Variants in DSE observed in about 807,000 individuals in gnomAD.
DSE encodes dermatan-sulfate epimerase.
Under a neutral mutation model 84.4 loss-of-function variants are expected in DSE, and 36 were observed. That is an observed-to-expected ratio of 0.43 (90% CI 0.33 to 0.56). DSE has a LOEUF of 0.56. Among genes scored for constraint, DSE ranks in the 20% least tolerant of loss-of-function variants. The pLI, the probability that DSE is intolerant of heterozygous loss-of-function variation, is 0.06. For synonymous variants in DSE, 410 were observed against 430.1 expected (o/e 0.95, Z 0.58); for missense variants, 862 against 1,169.6 (o/e 0.74, Z 3.84).
chr6:116,398,038 A>G (rs1781366734), intron 1 of DSE, among the ~76,000 whole-genome samples: 1 of 152,166 alleles, frequency 6.6e-6, no homozygotes, highest in African/African-American at 2.4e-5. Flanking sequence ...GTTTGTGTTC[A>G]GCTTGGGAGG....
rs549749215 is a variant in DSE, at chr6:116,440,238, A to G, written c.*2893A>G. ...AATATGTCTTAACAGAATGTTTTGCATACTGAATAATTTGTTTTTGAAAAG... is the reference window on the plus strand; with the variant it reads ...AATATGTCTTAACAGAATGTTTTGCGTACTGAATAATTTGTTTTTGAAAAG... On this transcript the variant is annotated 3_prime_UTR_variant, in exon 6 of 6. Coordinates refer to ENST00000644252, the MANE Select transcript of DSE (RefSeq NM_013352.4). 4 of 152,306 alleles carry G rather than the reference A, an allele frequency of 2.6e-5. No individual in the cohort carries two copies. In the South Asian group the frequency reaches 8.3e-4, roughly 32 times the overall value. 9.4% of individuals were successfully genotyped at this position (152,306 alleles called of 1,614,324 possible).
chr6:116,277,447 C>A (rs748115676), intron 2 of DSE: 1 of 152,592 alleles, frequency 6.6e-6, no homozygotes, highest in East Asian at 1.9e-4. Flanking sequence ...CTTAGGGCAC[C>A]TTTCATCCCA....
chr6:116,309,685 G>A (rs1248673912), intron 2 of DSE, among the ~76,000 whole-genome samples: 5 of 152,212 alleles, frequency 3.3e-5, no homozygotes, highest in Non-Finnish European at 5.9e-5. Context: ...CAGGTTGATT[G>A]TCCAGTGAAG....
rs1423019334 is a variant in DSE at position 116,375,592 on chromosome 6, A to C, written c.-54+4471A>C. 1.2e-5 allele frequency: 12 copies of C among 978,230 alleles called. No homozygotes were observed. The African/African-American group carries it at 1.9e-4, about 16-fold the overall frequency. 60.6% of individuals were successfully genotyped at this position (978,230 alleles called of 1,614,324 possible). On this transcript the variant is annotated intron_variant, in intron 1 of 5. Transcript: ENST00000644252. ...TTTCACAACTTCTAGTTATGTATAG[A>C]AGAGTGGCTTGATTAGTTGATGCTG...
At chr6:116,357,630 T>G (rs1778655063) in intron 2 of DSE, among the ~76,000 whole-genome samples, 1 of 152,236 alleles carries the variant, frequency 6.6e-6, no homozygotes, top group African/African-American at 2.4e-5. Context: ...CTTTCTCATC[T>G]TTTAATAAAA....
At chr6:116,325,742 C>T (rs1053330980) in intron 2 of DSE, among the ~76,000 whole-genome samples, 3 of 152,110 alleles carry the variant, frequency 2.0e-5, no homozygotes, top group Non-Finnish European at 4.4e-5. Context: ...ATTTTCCTGG[C>T]CTATCACTAT....
chr6:116,402,510 G>A (rs781580947), intron 2 of DSE, among the ~76,000 whole-genome samples: 10 of 152,110 alleles, frequency 6.6e-5, no homozygotes, highest in Non-Finnish European at 1.2e-4. Context: ...AAAGTACTTA[G>A]CACAGTTCTT....
intron 2 of DSE, among the ~76,000 whole-genome samples, chr6:116,349,344 C>G (rs1253139505): frequency 1.3e-5 from 2 of 152,098 alleles, no homozygotes; most frequent in African/African-American, 4.8e-5. Flanking sequence ...TGTCTTTTGC[C>G]AAAGGATCTC....
intron 2 of DSE, among the ~76,000 whole-genome samples, chr6:116,356,612 T>C (rs181069307): frequency 1.1e-3 from 171 of 152,308 alleles, no homozygotes; most frequent in Non-Finnish European, 1.9e-3. Flanking sequence ...TTTAAAGTTA[T>C]AGGAATCTTG....
chr6:116,330,259 C>A (rs899964986), intron 2 of DSE, among the ~76,000 whole-genome samples: 2 of 152,192 alleles, frequency 1.3e-5, no homozygotes, highest in African/African-American at 4.8e-5. Context: ...GCCTGCATTT[C>A]TTTTCTGGAC....
At chr6:116,312,774 T>C (rs1418047624) in intron 2 of DSE, among the ~76,000 whole-genome samples, 1 of 151,940 alleles carries the variant, frequency 6.6e-6, no homozygotes, top group African/African-American at 2.4e-5. Context: ...GTAAAATATA[T>C]ATATTTTTAT....
chr6:116,348,295 CT>C (rs1778109803), intron 2 of DSE, among the ~76,000 whole-genome samples: 1 of 152,068 alleles, frequency 6.6e-6, no homozygotes, highest in Non-Finnish European at 1.5e-5. Flanking sequence ...GGCATGGTGG[CT>C]GGCGCCTGTA....
intron 2 of DSE, among the ~76,000 whole-genome samples, chr6:116,275,798 C>CA (rs386408358): frequency 0.17 from 18,387 of 105,340 alleles, 3,304 homozygotes; most frequent in African/African-American, 0.44. Flanking sequence ...GACTCTATCT[C>CA]AAAAAAAAAA....
chr6:116,285,202 G>A (rs1449286098), intron 2 of DSE, among the ~76,000 whole-genome samples: 1 of 152,142 alleles, frequency 6.6e-6, no homozygotes, highest in Non-Finnish European at 1.5e-5. Flanking sequence ...ACTTTTTAAT[G>A]ATCGCCATTC....
chr6:116,316,335 A>G (rs1775976821), intron 2 of DSE, among the ~76,000 whole-genome samples: 1 of 152,088 alleles, frequency 6.6e-6, no homozygotes, highest in Non-Finnish European at 1.5e-5. Context: ...CTGATTCTAA[A>G]TGTTAAGTAG....
intron 2 of DSE, among the ~76,000 whole-genome samples, chr6:116,335,028 A>G (rs986169477): frequency 6.6e-6 from 1 of 152,248 alleles, no homozygotes; most frequent in Non-Finnish European, 1.5e-5. Flanking sequence ...TACTGTATAT[A>G]TACTCAAAGG....
chr6:116,299,502 TTTTATATATATATATATATATATATATA>T lies in DSE; in HGVS notation c.-54+40537_-54+40564del, dbSNP rs1463407337. 8.4e-4 allele frequency among the ~76,000 whole-genome samples: 40 copies of T among 47,534 alleles called. 1 individual carries two copies. Among genetic ancestry groups the T allele is most frequent in the East Asian group, 5.1e-3 (3 of 590 alleles). 31.2% of individuals were successfully genotyped at this position (47,534 alleles called of 152,430 possible). A position where few individuals can be genotyped will look rare whatever the true frequency, so the allele number is the denominator to read the frequency against. ...CATCCTGAAAGGCTTCTTGAATTAT[TTTTATATATATATATATATATATATATA>T]TATATATATATATATATATATACAC... On this transcript the variant is annotated intron_variant, in intron 2 of 3. Transcript: ENST00000430252.
chr6:116,435,890 G>A lies in DSE; in HGVS notation c.1422G>A (p.Gly474=), dbSNP rs1784119831. The A allele has an allele frequency of 1.2e-6, 2 of 1,613,984 alleles. No homozygotes were observed. Among genetic ancestry groups the A allele is most frequent in the Admixed American group, 1.7e-5 (1 of 59,990 alleles). The change falls in exon 6 of 6, where the codon GGG becomes GGA. Residue 474 remains glycine, a synonymous_variant. Coordinates refer to ENST00000644252, the MANE Select transcript of DSE (RefSeq NM_013352.4). ...GVPFITEALY[G]PKYTFFNNVL... is the part of the protein sequence containing the mutation. Reference sequence around the variant, plus strand: ...CTTTCATTACTGAGGCTCTGTACGGGCCAAAGTACACCTTCTTCAACAATG... The same window carrying A: ...CTTTCATTACTGAGGCTCTGTACGGACCAAAGTACACCTTCTTCAACAATG...
At chr6:116,293,400 T>A (rs1008453731) in intron 2 of DSE, among the ~76,000 whole-genome samples, 1 of 151,962 alleles carries the variant, frequency 6.6e-6, no homozygotes, top group Non-Finnish European at 1.5e-5. Flanking sequence ...GACTCCCAAG[T>A]AATTGGGACT....
Sources: gnomAD v4.1 joint callset for allele counts (sites outside exome capture counted in the v4.1 genomes callset) on GRCh38, gnomAD v4.1.1 for gene constraint, MANE v1.5 for transcripts, NCBI Gene and HGNC (gene_info 2026-07-23, HGNC 2026-07-21) for gene names.